The following DOK6 variants were observed in gnomAD, a reference collection of about 807,000 sequenced individuals.
DOK6 encodes the protein docking protein 6.
DOK6 carries 22 observed loss-of-function variants against 44.0 expected under a neutral mutation model. The observed-to-expected ratio is 0.50, with a 90% CI of 0.36 to 0.71. The LOEUF is 0.71. DOK6 is among the 30% of genes least tolerant of loss of function. The pLI is 0.00. For synonymous variants in DOK6, 166 were observed against 145.5 expected, an observed-to-expected ratio of 1.14 and a Z score of -1.01; for missense variants, 340 against 416.4, an observed-to-expected ratio of 0.82 and a Z score of 1.60.
chr18:69,734,586 G>A (rs1978539828), intron 5 of DOK6, among the ~76,000 whole-genome samples: 1 of 151,900 alleles, frequency 6.6e-6, no homozygotes, highest in Non-Finnish European at 1.5e-5. Context: ...GGGTTTTTAG[G>A]AACATGCTCC....
At position 69,583,970 on chromosome 18, in the gene DOK6, T is replaced by C. The variant is rs956307495; in HGVS notation, c.175-15414T>C. The stretch of plus-strand genomic sequence containing the variant: ...AAAAATACAAAAAATTAGCCAGGCG[T>C]GGTGGCGGGCGCCTGTAGTCCCAGC... On this transcript the variant is annotated intron_variant, in intron 2 of 7. Coordinates refer to ENST00000382713, the MANE Select transcript of DOK6 (RefSeq NM_152721.6). 6.6e-5 allele frequency among the ~76,000 whole-genome samples: 10 copies of C among 151,460 alleles called. No individual in the cohort carries two copies. The South Asian group carries it at 1.3e-3, about 19-fold the overall frequency.
chr18:69,414,604 G>A (rs191676601), intron 1 of DOK6, among the ~76,000 whole-genome samples: 2 of 152,146 alleles, frequency 1.3e-5, no homozygotes. Context: ...TGAGGTAGAA[G>A]TGGTTATAAA....
At chr18:69,749,010 A>G (rs951463255) in intron 6 of DOK6, among the ~76,000 whole-genome samples, 3 of 152,216 alleles carry the variant, frequency 2.0e-5, no homozygotes, top group African/African-American at 7.2e-5. Flanking sequence ...TTTCATGGAC[A>G]TGGATGAGCT....
intron 3 of DOK6, among the ~76,000 whole-genome samples, chr18:69,643,235 A>G (rs914120923): frequency 6.6e-6 from 1 of 152,182 alleles, no homozygotes; most frequent in Non-Finnish European, 1.5e-5. Context: ...TAAACAGGGT[A>G]TTGACATTGA....
intron 1 of DOK6, among the ~76,000 whole-genome samples, chr18:69,458,068 G>T (rs147627016): frequency 9.7e-4 from 147 of 152,274 alleles, no homozygotes; most frequent in African/African-American, 3.2e-3. Context: ...ACTTGAACCC[G>T]TGAGGCAGAA....
intron 1 of DOK6, among the ~76,000 whole-genome samples, chr18:69,448,323 T>C (rs1024692932): frequency 1.3e-5 from 2 of 152,206 alleles, no homozygotes; most frequent in African/African-American, 2.4e-5. Context: ...CATTTCTTAC[T>C]CTGCCATTTG....
intron 4 of DOK6, among the ~76,000 whole-genome samples, chr18:69,697,378 C>T (rs1986411097): frequency 6.6e-6 from 1 of 152,054 alleles, no homozygotes; most frequent in South Asian, 2.1e-4. Context: ...AAATCCTAAC[C>T]CACAGAGGTA....
At chr18:69,460,290 A>T (rs533238186) in intron 1 of DOK6, among the ~76,000 whole-genome samples, 1 of 152,350 alleles carries the variant, frequency 6.6e-6, no homozygotes, top group South Asian at 2.1e-4. Context: ...AACAGAAAAC[A>T]GGATATTCAC....
At chr18:69,653,126 G>C (rs1985273634) in intron 3 of DOK6, among the ~76,000 whole-genome samples, 2 of 152,122 alleles carry the variant, frequency 1.3e-5, no homozygotes, top group African/African-American at 4.8e-5. Context: ...ACTGGATTTA[G>C]AGAAGCCAAG....
chr18:69,401,376 G>GA (rs1916096104), intron 1 of DOK6, 66 bp downstream of exon 1: 2 of 1,420,188 alleles, frequency 1.4e-6, no homozygotes, highest in African/African-American at 1.5e-5. Flanking sequence ...GCCTGGGGGG[G>GA]GGGCAGGGAG....
At chr18:69,686,319 T>A (rs1986152442) in intron 4 of DOK6, among the ~76,000 whole-genome samples, 1 of 152,180 alleles carries the variant, frequency 6.6e-6, no homozygotes, top group Non-Finnish European at 1.5e-5. Context: ...ATTTTTTAAT[T>A]TTATTAATAT....
chr18:69,683,168 GAA>G (rs774666687), intron 4 of DOK6, among the ~76,000 whole-genome samples: 1 of 139,116 alleles, frequency 7.2e-6, no homozygotes, highest in Non-Finnish European at 1.6e-5. Flanking sequence ...TTTGCATCAG[GAA>G]AAAAAAAAAA....
intron 2 of DOK6, among the ~76,000 whole-genome samples, chr18:69,588,663 C>G (rs1330453428): frequency 6.6e-6 from 1 of 152,100 alleles, no homozygotes; most frequent in East Asian, 1.9e-4. Context: ...AGGACACACA[C>G]TGGCTGCTTG....
chr18:69,599,681 T>C (rs1983828625), intron 3 of DOK6, among the ~76,000 whole-genome samples, 183 bp downstream of exon 3: 1 of 152,192 alleles, frequency 6.6e-6, no homozygotes, highest in Admixed American at 6.5e-5. Context: ...TGTTGTTACA[T>C]GTCTGTGTCT....
chr18:69,425,152 G>T (rs1195828975), intron 1 of DOK6, among the ~76,000 whole-genome samples: 3 of 152,168 alleles, frequency 2.0e-5, no homozygotes, highest in African/African-American at 4.8e-5. Flanking sequence ...AGCAAAAATA[G>T]AGAAGAATTT....
chr18:69,606,355 GGAAA>G (rs1319915277), intron 3 of DOK6, among the ~76,000 whole-genome samples: 1 of 151,580 alleles, frequency 6.6e-6, no homozygotes, highest in Non-Finnish European at 1.5e-5. Flanking sequence ...AAAATTATAT[GGAAA>G]GAAAGACAAC....
In DOK6 at chr18:69,630,580, T is replaced by C. The variant is rs114930946; in HGVS notation, c.289+31082T>C. 6.5e-3 allele frequency among the ~76,000 whole-genome samples: 996 copies of C among 152,324 alleles called. 6 individuals carry two copies. The highest frequency in any genetic ancestry group is 0.023 in the African/African-American group (954 of 41,564). ...TAGAGTAAGAAGGTTGCTGTTACCA[T>C]ATAAAGTGCTATAAAAAGTCGAAAC... On this transcript the variant is annotated intron_variant, in intron 3 of 7. Transcript: ENST00000382713.
intron 1 of DOK6, among the ~76,000 whole-genome samples, chr18:69,551,533 A>C (rs1040684114): frequency 6.6e-6 from 1 of 152,202 alleles, no homozygotes; most frequent in Non-Finnish European, 1.5e-5. Flanking sequence ...TTGAAATACA[A>C]ACAATAATTA....
intron 2 of DOK6, among the ~76,000 whole-genome samples, chr18:69,574,365 G>A (rs1983188414): frequency 6.6e-6 from 1 of 151,998 alleles, no homozygotes; most frequent in South Asian, 2.1e-4. Flanking sequence ...ACAATCTGAT[G>A]AAGTAAGGTT....
Sources: gnomAD v4.1 joint callset for allele counts (sites outside exome capture counted in the v4.1 genomes callset) on GRCh38, gnomAD v4.1.1 for gene constraint, MANE v1.5 for transcripts, NCBI Gene and HGNC (gene_info 2026-07-23, HGNC 2026-07-21) for gene names.